The following NBPF3 variants were observed in gnomAD, a reference collection of about 807,000 sequenced individuals.
The protein encoded by NBPF3 is NBPF family member NBPF3.
In NBPF3, 57 loss-of-function variants were observed where a neutral mutation model predicts 78.1. The observed-to-expected ratio is 0.73, with a 90% CI of 0.59 to 0.91. NBPF3 has a LOEUF of 0.91. Among genes scored for constraint, NBPF3 ranks in the 40% least tolerant of loss-of-function variants. The probability of loss-of-function intolerance (pLI) is 0.00; values close to 1 mark genes in which losing one functional copy is unlikely to be tolerated. For missense variants in NBPF3, 510 were observed against 715.3 expected (o/e 0.71, Z 3.27); for synonymous variants, 182 against 271.7 (o/e 0.67, Z 3.25).
intron 8 of NBPF3, 123 bp from the exon 9 acceptor site, chr1:21,478,021 G>A (rs761363616): frequency 4.4e-6 from 7 of 1,600,372 alleles, no homozygotes. Flanking sequence ...TCTCTTGAAG[G>A]AAAAATGCCT....
intron 6 of NBPF3, 55 bp from the exon 7 acceptor site, chr1:21,473,325 G>T (rs996453096): frequency 2.5e-5 from 39 of 1,582,106 alleles, no homozygotes; most frequent in Admixed American, 3.3e-5. Context: ...ACTCCCTGGT[G>T]TCCAATCCCT....
chr1:21,446,194 G>T lies in NBPF3; in HGVS notation c.133+975G>T, dbSNP rs79910981. ...AGTTCGTGGCCTGGTGTTCTGGGAT[G>T]CATTGTCTCATCTCGTTCTTGTGAG... is the stretch of plus-strand genomic sequence containing the variant. On this transcript the variant is annotated intron_variant, in intron 2 of 14. Coordinates refer to ENST00000318249, the MANE Select transcript of NBPF3 (RefSeq NM_032264.6). 1,484 of 152,340 alleles carry T rather than the reference G, an allele frequency of 9.7e-3. 23 individuals carry two copies. The highest frequency in any genetic ancestry group is 0.034 in the African/African-American group (1,426 of 41,560). The allele number at this position is 152,340 out of a possible 1,614,324, so 9.4% of individuals were successfully genotyped here.
intron 6 of NBPF3, 44 bp downstream of exon 6, chr1:21,472,959 G>A (rs201821973): frequency 2.0e-5 from 29 of 1,430,982 alleles, no homozygotes; most frequent in Non-Finnish European, 2.7e-5. Context: ...GGTAACATAT[G>A]AAAAAGGTCT....
At chr1:21,472,373 A>G (rs7514120) in intron 5 of NBPF3, among the ~76,000 whole-genome samples, 110,710 of 152,148 alleles carry the variant, frequency 0.73, 41,078 homozygotes, top group South Asian at 0.9. Flanking sequence ...AGCACTCTTC[A>G]TGGAGAGAAT....
At chr1:21,462,695 C>T (rs773851521) in intron 2 of NBPF3, among the ~76,000 whole-genome samples, 1 of 152,184 alleles carries the variant, frequency 6.6e-6, no homozygotes, top group Non-Finnish European at 1.5e-5. Flanking sequence ...GAGACTAATT[C>T]CAGCAAAAAT....
intron 2 of NBPF3, among the ~76,000 whole-genome samples, chr1:21,458,981 T>G (rs1438102311): frequency 3.9e-5 from 6 of 152,158 alleles, no homozygotes. Context: ...AAAATGAAAT[T>G]CAGTAAAACA....
rs757772011 is a variant in NBPF3, at chr1:21,460,682, C to T, written c.134-8006C>T. On this transcript the variant is annotated intron_variant, in intron 2 of 14. Coordinates refer to ENST00000318249, the MANE Select transcript of NBPF3 (RefSeq NM_032264.6). The surrounding 1 kb of genome is among the most constrained non-coding windows in gnomAD (Gnocchi z 4.2). ...GTAAAGGAAAAATAGGAACTAATTT[C>T]GTGGACTTGACACAGGAAAATGTTT... Among the ~76,000 whole-genome samples, 14 of 152,138 alleles carry T rather than the reference C, an allele frequency of 9.2e-5. No homozygotes were observed. Among genetic ancestry groups the T allele is most frequent in the Non-Finnish European group, 1.6e-4 (11 of 68,026 alleles).
intron 2 of NBPF3, among the ~76,000 whole-genome samples, chr1:21,466,477 C>G (rs1232989702): frequency 5.9e-5 from 9 of 152,294 alleles, no homozygotes; most frequent in Non-Finnish European, 1.2e-4. Flanking sequence ...TAGTGAGAAT[C>G]ATTGGTATTC....
intron 2 of NBPF3, 85 bp from the exon 3 acceptor site, chr1:21,468,603 G>A: frequency 8.7e-6 from 14 of 1,604,584 alleles, no homozygotes; most frequent in Non-Finnish European, 1.2e-5. Context: ...AAGAATTTCA[G>A]TTACTGACAT....
At chr1:21,473,894 G>A (rs190257505) in intron 7 of NBPF3, among the ~76,000 whole-genome samples, 59 of 152,246 alleles carry the variant, frequency 3.9e-4, no homozygotes, top group Middle Eastern at 3.4e-3. Flanking sequence ...TGATTAAGTC[G>A]TCTGTCCCTG....
intron 1 of NBPF3, among the ~76,000 whole-genome samples, chr1:21,441,473 A>G (rs1293055306): frequency 1.3e-5 from 2 of 152,108 alleles, no homozygotes; most frequent in Non-Finnish European, 2.9e-5. Context: ...TTGGGACGCC[A>G]AGGTGGGTAG....
chr1:21,470,707 AGGAGCTC>A lies in NBPF3; in HGVS notation c.422_428del (p.Glu141GlyfsTer20). On this transcript the variant is annotated frameshift_variant, in exon 4 of 15. Transcript: ENST00000318249. LOFTEE classifies it high-confidence loss of function. The stretch of plus-strand genomic sequence containing the variant: ...CTGCTCACAGAAGAGAAGCTTGCAG[AGGAGCTC>A]GGGCAAGCTGAGGAGCTCAGGTGAG... 2 of 1,600,136 alleles carry A rather than the reference AGGAGCTC, an allele frequency of 1.2e-6. No homozygotes were observed. The highest frequency in any genetic ancestry group is 1.7e-6 in the Non-Finnish European group (2 of 1,170,966).
At chr1:21,444,578 G>A (rs1335515914) in intron 1 of NBPF3, among the ~76,000 whole-genome samples, 3 of 151,318 alleles carry the variant, frequency 2.0e-5, no homozygotes, top group Admixed American at 1.3e-4. Context: ...TTTTTTTCCC[G>A]CCGGGCTGGA....
At chr1:21,471,452 G>A (rs1366675891) in intron 4 of NBPF3, 117 bp from the exon 5 acceptor site, 20 of 1,507,678 alleles carry the variant, frequency 1.3e-5, no homozygotes, top group Non-Finnish European at 1.8e-5. Flanking sequence ...AACATGTGCT[G>A]ACCTTCTGCT....
At chr1:21,446,736 C>T (rs751094649) in intron 2 of NBPF3, among the ~76,000 whole-genome samples, 55 of 151,992 alleles carry the variant, frequency 3.6e-4, no homozygotes, top group Non-Finnish European at 6.0e-4. Flanking sequence ...GTCTTGCAGG[C>T]AGAGAGCTCA....
intron 2 of NBPF3, chr1:21,451,882 G>A: frequency 7.3e-6 from 7 of 961,238 alleles, no homozygotes; most frequent in Non-Finnish European, 8.8e-6. Flanking sequence ...GCCGCCAGTT[G>A]GGATCAAATG....
At chr1:21,455,222 G>T (rs1036409430) in intron 2 of NBPF3, among the ~76,000 whole-genome samples, 1 of 152,196 alleles carries the variant, frequency 6.6e-6, no homozygotes, top group Non-Finnish European at 1.5e-5. Context: ...CAGATAATCT[G>T]TCTATCTTAA....
At position 21,483,409 on chromosome 1, in the gene NBPF3, A is replaced by G; in HGVS notation, c.*23A>G. The G allele has an allele frequency of 1.4e-6, 1 of 719,488 alleles. No homozygotes were observed. Among genetic ancestry groups the G allele is most frequent in the Non-Finnish European group, 2.1e-6 (1 of 468,052 alleles). 44.6% of individuals were successfully genotyped at this position (719,488 alleles called of 1,614,324 possible). On this transcript the variant is annotated 3_prime_UTR_variant, in exon 15 of 15. Coordinates refer to ENST00000318249, the MANE Select transcript of NBPF3 (RefSeq NM_032264.6). Reference sequence around the variant, plus strand: ...TAAGCAGCCCTTACTAAGCTGAGAGATGTCATTGCTGCAGGCAGGACGTAT... The same window carrying G: ...TAAGCAGCCCTTACTAAGCTGAGAGGTGTCATTGCTGCAGGCAGGACGTAT...
chr1:21,458,053 G>A (rs1318859893), intron 2 of NBPF3, among the ~76,000 whole-genome samples: 1 of 152,190 alleles, frequency 6.6e-6, no homozygotes, highest in African/African-American at 2.4e-5. Context: ...TATAACTAAG[G>A]TCTGAGTCCT....
Sources: allele counts gnomAD v4.1 joint callset (sites outside exome capture counted in the v4.1 genomes callset), GRCh38; gene constraint gnomAD v4.1.1; non-coding constraint Gnocchi (gnomAD v3.1); transcripts MANE v1.5; gene names NCBI Gene and HGNC (gene_info 2026-07-23, HGNC 2026-07-21).